The following HCK variants were observed in gnomAD, a reference collection of about 807,000 sequenced individuals.
HCK encodes the protein tyrosine-protein kinase HCK.
Under a neutral mutation model 70.4 loss-of-function variants are expected in HCK, and 40 were observed. The ratio of observed to expected loss-of-function variants is 0.57; its 90% CI spans 0.44 to 0.74. The LOEUF is 0.74. Ranked by LOEUF, HCK falls within the 30% of genes least tolerant of loss-of-function variation. HCK has a pLI of 0.00. For synonymous variants in HCK, 245 were observed against 263.2 expected (o/e 0.93, Z 0.67); for missense variants, 568 against 697.2 (o/e 0.81, Z 2.09).
intron 10 of HCK, among the ~76,000 whole-genome samples, chr20:32,091,789 T>C (rs2122606629): frequency 6.7e-6 from 1 of 150,058 alleles, no homozygotes; most frequent in African/African-American, 2.5e-5. Context: ...CTGGGCCACA[T>C]AGTGGGACCT....
intron 2 of HCK, among the ~76,000 whole-genome samples, chr20:32,073,115 CA>C (rs905570255): frequency 7.9e-4 from 121 of 152,286 alleles, no homozygotes; most frequent in Admixed American, 5.6e-3. Context: ...ACAGCAACAA[CA>C]AAAAATCTGG....
At position 32,101,397 on chromosome 20, in the gene HCK, T is replaced by C. The variant is rs200005064; in HGVS notation, c.1459T>C (p.Tyr487His). Reference sequence around the variant, plus strand: ...CCCAGAGAACTGCCCAGAGGAGCTCTACAACATCATGATGCGCTGCTGGAA... The same window carrying C: ...CCCAGAGAACTGCCCAGAGGAGCTCCACAACATCATGATGCGCTGCTGGAA... The change falls in exon 13 of 13, where the codon TAC (tyrosine) becomes CAC (histidine). Residue 487 changes from tyrosine to histidine, a missense_variant. Physicochemically the swap from Tyr to His is moderately conservative, Grantham distance 83 (BLOSUM62 2). Around this residue, in one of 4 missense-constraint regions of HCK, gnomAD observed 77 missense variants for 85.0 expected, o/e 0.91. Transcript: ENST00000375852. 1.2e-6 allele frequency: 2 copies of C among 1,614,182 alleles called. No individual in the cohort carries two copies. The highest frequency in any genetic ancestry group is 1.7e-6 in the Non-Finnish European group (2 of 1,180,018).
chr20:32,079,641 C>G lies in HCK; in HGVS notation c.429-133C>G. 5 of 597,426 alleles carry G rather than the reference C, an allele frequency of 8.4e-6. No homozygotes were observed. In the South Asian group the frequency reaches 1.0e-4, roughly 12 times the overall value. 37.0% of individuals were successfully genotyped at this position (597,426 alleles called of 1,614,324 possible). On this transcript the variant is annotated intron_variant, in intron 5 of 12. Transcript: ENST00000375852. Reference sequence around the variant, plus strand: ...TCCCCCAAAAAATCTTTGAGTAAAACTGATGCTGCAGGAAGCCAGACCCTC... The same window carrying G: ...TCCCCCAAAAAATCTTTGAGTAAAAGTGATGCTGCAGGAAGCCAGACCCTC...
intron 3 of HCK, 22 bp downstream of exon 3, chr20:32,073,383 C>T (rs773662053): frequency 6.2e-7 from 1 of 1,604,626 alleles, no homozygotes; most frequent in Non-Finnish European, 8.5e-7. Context: ...CGAGCAGATG[C>T]AGTGGAGTCA....
At chr20:32,091,261 C>T (rs761799394) in intron 10 of HCK, among the ~76,000 whole-genome samples, 6 of 152,180 alleles carry the variant, frequency 3.9e-5, no homozygotes, top group Non-Finnish European at 7.3e-5. Flanking sequence ...GTCCTTGCTC[C>T]AGAAGAAAAG....
chr20:32,071,521 A>C lies in HCK; in HGVS notation c.63-141A>C. ...TTCCATGTGGGGAGGATAAGGGTGC[A>C]TGGAGCTGGCAGGGGAGTTAAGACC... On this transcript the variant is annotated intron_variant, in intron 1 of 12. Transcript: ENST00000375852. The C allele has an allele frequency of 3.0e-6, 3 of 1,015,226 alleles. No individual in the cohort carries two copies. The South Asian group carries it at 4.5e-5, about 15-fold the overall frequency. The allele number at this position is 1,015,226 out of a possible 1,614,324, so 62.9% of individuals were successfully genotyped here.
At chr20:32,080,301 C>T (rs1376057387) in intron 6 of HCK, among the ~76,000 whole-genome samples, 7 of 152,186 alleles carry the variant, frequency 4.6e-5, no homozygotes, top group South Asian at 2.1e-4. Context: ...CAGGTTTGAG[C>T]GATTCTCCTG....
chr20:32,054,211 C>T (rs1367830934), intron 1 of HCK: 2 of 456,330 alleles, frequency 4.4e-6, no homozygotes, highest in Admixed American at 2.4e-5. Flanking sequence ...TCTCTCCCTC[C>T]CCAGGGGCAA....
At chr20:32,071,984 T>C in intron 2 of HCK, 1 of 620,350 alleles carries the variant, frequency 1.6e-6, no homozygotes, top group Non-Finnish European at 2.7e-6. Context: ...CATCTCTCTT[T>C]CCTGCAGCCC....
chr20:32,061,866 G>A (rs1041538900), intron 1 of HCK, among the ~76,000 whole-genome samples: 3 of 151,954 alleles, frequency 2.0e-5, no homozygotes, highest in Non-Finnish European at 2.9e-5. Context: ...AGAGGACTTG[G>A]GCTTTTACTC....
intron 1 of HCK, among the ~76,000 whole-genome samples, chr20:32,061,132 C>T (rs761247402): frequency 5.3e-5 from 8 of 152,138 alleles, no homozygotes; most frequent in Admixed American, 1.3e-4. Context: ...TACAAGCATG[C>T]GCCACCACGC....
At chr20:32,069,218 C>T (rs1218567236) in intron 1 of HCK, among the ~76,000 whole-genome samples, 1 of 152,174 alleles carries the variant, frequency 6.6e-6, no homozygotes, top group Non-Finnish European at 1.5e-5. Flanking sequence ...AGAACCCTTG[C>T]CACCCTTTCT....
At chr20:32,094,780 A>AAAGG (rs1569010139) in intron 11 of HCK, among the ~76,000 whole-genome samples, 6 of 99,764 alleles carry the variant, frequency 6.0e-5, no homozygotes, top group African/African-American at 2.6e-4. Context: ...AAAGAAAGAG[A>AAAGG]GAGAAAGAGA....
rs772274365 is a variant in HCK at position 32,101,390 on chromosome 20, G to A, written c.1452G>A (p.Glu484=). 1.4e-5 allele frequency: 23 copies of A among 1,614,224 alleles called. No individual in the cohort carries two copies. The highest frequency in any genetic ancestry group is 1.9e-5 in the Non-Finnish European group (23 of 1,180,032). The change falls in exon 13 of 13, where the codon GAG becomes GAA. Residue 484 remains glutamate (E), a synonymous_variant. Coordinates refer to ENST00000375852, the MANE Select transcript of HCK (RefSeq NM_002110.5). ...TGCCTCGCCCAGAGAACTGCCCAGA[G>A]GAGCTCTACAACATCATGATGCGCT...
intron 6 of HCK, among the ~76,000 whole-genome samples, chr20:32,081,868 C>A (rs2045713142): frequency 6.6e-6 from 1 of 152,214 alleles, no homozygotes; most frequent in Non-Finnish European, 1.5e-5. Context: ...ATCTGTGGGG[C>A]AGGAAAATGA....
intron 1 of HCK, among the ~76,000 whole-genome samples, chr20:32,064,004 T>C (rs2122494728): frequency 7.8e-6 from 1 of 128,008 alleles, no homozygotes; most frequent in South Asian, 2.9e-4. Context: ...TTTTTTTTTT[T>C]TTTTTTTTTT....
chr20:32,071,581 G>T, intron 1 of HCK, 81 bp from the exon 2 acceptor site: 1 of 1,559,634 alleles, frequency 6.4e-7, no homozygotes, highest in Non-Finnish European at 8.7e-7. Flanking sequence ...GGGGGCAGGG[G>T]ACCTGGAATG....
intron 11 of HCK, among the ~76,000 whole-genome samples, chr20:32,096,150 G>A (rs900426165): frequency 6.6e-6 from 1 of 150,658 alleles, no homozygotes; most frequent in South Asian, 2.2e-4. Context: ...TGGGCCTCCC[G>A]AAGTGCTGGG....
chr20:32,058,782 C>G (rs2045316724), intron 1 of HCK, among the ~76,000 whole-genome samples: 1 of 152,094 alleles, frequency 6.6e-6, no homozygotes, highest in Non-Finnish European at 1.5e-5. Flanking sequence ...AGGCAGGGAA[C>G]AGGAGGTAGT....
Sources: gnomAD v4.1 joint callset for allele counts (sites outside exome capture counted in the v4.1 genomes callset) on GRCh38, gnomAD v4.1.1 for gene constraint, gnomAD v4.1.1 regional missense constraint, MANE v1.5 for transcripts, NCBI Gene and HGNC (gene_info 2026-07-23, HGNC 2026-07-21) for gene names.